The following OR7C1 variants were observed in gnomAD, a reference collection of about 807,000 sequenced individuals.
OR7C1 encodes the protein olfactory receptor family 7 subfamily C member 1.
For missense variants in OR7C1, 324 were observed against 383.3 expected, an observed-to-expected ratio of 0.85 and a Z score of 1.29; for synonymous variants, 152 against 160.7, an observed-to-expected ratio of 0.95 and a Z score of 0.41.
exon 5 of OR7C1, chr19:14,799,596 G>T (rs746164108): frequency 6.2e-7 from 1 of 1,614,076 alleles, no homozygotes; most frequent in Non-Finnish European, 8.5e-7. Flanking sequence ...ACTTCAAGTA[G>T]ATCACAAAAA....
intron 1 of OR7C1, chr19:14,824,560 C>CT (rs2044756354): frequency 6.6e-6 from 1 of 152,092 alleles, no homozygotes; most frequent in African/African-American, 2.4e-5. Context: ...ATGTTTTTTT[C>CT]TTTTTTATGG....
At chr19:14,828,244 G>C in intron 1 of OR7C1, 1 of 1,606,394 alleles carries the variant, frequency 6.2e-7, no homozygotes, top group South Asian at 1.1e-5. Flanking sequence ...GGTTCCATTT[G>C]ATTGAAGTGA....
rs540214442 is a variant in OR7C1, at chr19:14,817,930, A to G, written c.-622-7937T>C. Among the ~76,000 whole-genome samples, 23 of 152,280 alleles carry G rather than the reference A, an allele frequency of 1.5e-4. No individual in the cohort carries two copies. In the East Asian group the frequency reaches 4.2e-3, roughly 28 times the overall value. Reference sequence around the variant, plus strand: ...AGTGTAAAGGATATGCAGCAAAGTGAGGGCTTTTAAAATATTTTTAATATT... The same window carrying G: ...AGTGTAAAGGATATGCAGCAAAGTGGGGGCTTTTAAAATATTTTTAATATT... On this transcript the variant is annotated intron_variant, in intron 1 of 4. Transcript: ENST00000641666.
At chr19:14,829,806 T>C (rs1160739252) in intron 1 of OR7C1, among the ~76,000 whole-genome samples, 1 of 152,158 alleles carries the variant, frequency 6.6e-6, no homozygotes, top group Admixed American at 6.6e-5. Context: ...TGAGGCCAGG[T>C]CCCTCTTGCT....
At chr19:14,819,928 A>G (rs2044733122) in intron 1 of OR7C1, among the ~76,000 whole-genome samples, 1 of 151,988 alleles carries the variant, frequency 6.6e-6, no homozygotes, top group Non-Finnish European at 1.5e-5. Flanking sequence ...TTATTTAGAG[A>G]TACAGTCTCG....
rs547177784 is a variant in OR7C1 at position 14,808,482 on chromosome 19, A to G, written c.-435+1324T>C. Among the ~76,000 whole-genome samples the G allele has an allele frequency of 3.3e-5, 5 of 152,150 alleles. No homozygotes were observed. The South Asian group carries it at 1.0e-3, about 31-fold the overall frequency. On this transcript the variant is annotated intron_variant, in intron 2 of 4. Transcript: ENST00000641666. The stretch of plus-strand genomic sequence containing the variant: ...TGTCTTGTGCAGCAACATGGATGGA[A>G]CTGGAGGCCATTATCCTAAGTAAAA...
chr19:14,819,737 A>G (rs2044732389), intron 1 of OR7C1, among the ~76,000 whole-genome samples: 1 of 152,230 alleles, frequency 6.6e-6, no homozygotes, highest in Non-Finnish European at 1.5e-5. Flanking sequence ...GTATAAGATG[A>G]AATCATAACT....
chr19:14,801,592 A>G (rs963357499), intron 2 of OR7C1, among the ~76,000 whole-genome samples: 8 of 152,230 alleles, frequency 5.3e-5, no homozygotes, highest in Admixed American at 3.3e-4. Flanking sequence ...CATAGATAAT[A>G]CCGTGGCAGC....
intron 1 of OR7C1, chr19:14,827,756 C>T (rs1200635529): frequency 6.2e-7 from 1 of 1,614,126 alleles, no homozygotes; most frequent in South Asian, 1.1e-5. Flanking sequence ...GCCGTACTAC[C>T]ATTAAGATTT....
chr19:14,834,379 G>A (rs1382592877), intron 1 of OR7C1, among the ~76,000 whole-genome samples: 2 of 152,126 alleles, frequency 1.3e-5, no homozygotes, highest in African/African-American at 4.8e-5. Flanking sequence ...GATATTCTGG[G>A]CTAGATCACT....
intron 2 of OR7C1, 41 bp from the exon 3 acceptor site, chr19:14,800,805 C>T (rs1259815202): frequency 2.6e-5 from 4 of 152,214 alleles, no homozygotes; most frequent in Non-Finnish European, 2.9e-5. Flanking sequence ...GGTGGGGCCA[C>T]CAGCCTTCCC....
intron 1 of OR7C1, among the ~76,000 whole-genome samples, chr19:14,812,909 C>T (rs2044698068): frequency 6.6e-6 from 1 of 151,450 alleles, no homozygotes; most frequent in Admixed American, 6.6e-5. Context: ...ACTAAATATA[C>T]AAAAAATTAG....
At chr19:14,828,281 G>C in intron 1 of OR7C1, 1 of 1,566,264 alleles carries the variant, frequency 6.4e-7, no homozygotes, top group East Asian at 2.3e-5. Flanking sequence ...GAGAAAGAGG[G>C]AAACGAGACA....
chr19:14,810,292 A>G (rs1302988229), intron 1 of OR7C1, among the ~76,000 whole-genome samples: 1 of 151,692 alleles, frequency 6.6e-6, no homozygotes, highest in Non-Finnish European at 1.5e-5. Context: ...ATGAATCTCC[A>G]AGTTTCTGAG....
chr19:14,814,256 G>A (rs2044706076), intron 1 of OR7C1, among the ~76,000 whole-genome samples: 1 of 152,104 alleles, frequency 6.6e-6, no homozygotes, highest in South Asian at 2.1e-4. Context: ...TGGGTTGGCA[G>A]GAAACATTCA....
intron 1 of OR7C1, among the ~76,000 whole-genome samples, chr19:14,820,917 A>C (rs1249695961): frequency 4.6e-5 from 7 of 152,182 alleles, no homozygotes; most frequent in Non-Finnish European, 7.4e-5. Context: ...CCCACAAGGA[A>C]AAGTGAGAGA....
chr19:14,828,067 T>C lies in OR7C1; in HGVS notation c.-623+7007A>G, dbSNP rs756036560. On this transcript the variant is annotated intron_variant, in intron 1 of 4. Coordinates refer to ENST00000641666, the Ensembl canonical transcript of OR7C1. ...GACAGGTTGGAGAGGAAGAAGTACA[T>C]GGGGGTGTGGAGGTGGGAGTCTGAG... is the stretch of plus-strand genomic sequence containing the variant. 8 of 1,613,884 alleles carry C rather than the reference T, an allele frequency of 5.0e-6. No homozygotes were observed. The East Asian group carries it at 1.3e-4, about 27-fold the overall frequency.
At chr19:14,822,617 C>T (rs1435431849) in intron 1 of OR7C1, among the ~76,000 whole-genome samples, 1 of 151,898 alleles carries the variant, frequency 6.6e-6, no homozygotes, top group Non-Finnish European at 1.5e-5. Context: ...CTCTTGACCT[C>T]GTGATCCACC....
At chr19:14,822,844 C>T (rs1461767128) in intron 1 of OR7C1, among the ~76,000 whole-genome samples, 1 of 151,462 alleles carries the variant, frequency 6.6e-6, no homozygotes, top group Non-Finnish European at 1.5e-5. Context: ...TGTCCTCTGC[C>T]TATTTTTTTT....
Sources: gnomAD v4.1 joint callset for allele counts (sites outside exome capture counted in the v4.1 genomes callset) on GRCh38, gnomAD v4.1.1 for gene constraint, MANE v1.5 for transcripts, NCBI Gene and HGNC (gene_info 2026-07-23, HGNC 2026-07-21) for gene names.